The following SUSD4 variants were observed in gnomAD, a reference collection of about 807,000 sequenced individuals.
The protein encoded by SUSD4 is sushi domain-containing protein 4.
Under a neutral mutation model 50.5 loss-of-function variants are expected in SUSD4, and 41 were observed. That is an observed-to-expected ratio of 0.81 (90% CI 0.63 to 1.05). The LOEUF is 1.05. SUSD4 is among the 50% of genes least tolerant of loss of function. The pLI, the probability that SUSD4 is intolerant of heterozygous loss-of-function variation, is 0.00. For missense variants in SUSD4, 580 were observed against 634.7 expected (o/e 0.91, Z 0.93); for synonymous variants, 257 against 257.3 (o/e 1.00, Z 0.01).
intron 2 of SUSD4, among the ~76,000 whole-genome samples, chr1:223,337,986 G>C (rs1390025582): frequency 2.0e-5 from 3 of 152,308 alleles, no homozygotes; most frequent in Middle Eastern, 3.4e-3. Context: ...GGGAATAATT[G>C]AGCTATTTTT....
intron 5 of SUSD4, among the ~76,000 whole-genome samples, chr1:223,235,849 C>T (rs1292812607): frequency 6.6e-6 from 1 of 152,114 alleles, no homozygotes; most frequent in African/African-American, 2.4e-5. Flanking sequence ...TTGGTGTGGA[C>T]ATAAGTTTTC....
Position 223,229,259 on chromosome 1 carries a change from T to C in SUSD4, c.854A>G (p.Lys285Arg). ...CTCTCCATACTGGCAGGTGATGTACTTGTAGTCGCTGGTGAGGCTGTAGCC... is the reference window on the plus strand; with the variant it reads ...CTCTCCATACTGGCAGGTGATGTACCTGTAGTCGCTGGTGAGGCTGTAGCC... ...DPGYSLTSDY[K>R]YITCQYGEWF... The change falls in exon 6 of 9, where the codon AAG becomes AGG. Residue 285 changes from lysine (K) to arginine (R), a missense_variant. By Grantham distance (26) the Lys-to-Arg change is conservative (BLOSUM62 2). Transcript: ENST00000366878. This position sits in a 1 kb window ranked among gnomAD's most constrained non-coding sequence, Gnocchi z 4.7. 2 of 1,613,076 alleles carry C rather than the reference T, an allele frequency of 1.2e-6. No individual in the cohort carries two copies. Among genetic ancestry groups the C allele is most frequent in the East Asian group, 2.2e-5 (1 of 44,800 alleles).
At chr1:223,362,618 T>C (rs1227988682) in intron 2 of SUSD4, among the ~76,000 whole-genome samples, 2 of 152,174 alleles carry the variant, frequency 1.3e-5, no homozygotes, top group South Asian at 2.1e-4. Context: ...TTCTACTTCA[T>C]AGAAGAGCAA....
At chr1:223,290,760 C>T (rs77187089) in intron 3 of SUSD4, among the ~76,000 whole-genome samples, 3 of 151,884 alleles carry the variant, frequency 2.0e-5, no homozygotes, top group South Asian at 2.1e-4. Context: ...TTCTCACCCC[C>T]TTTCTTGCCA....
At chr1:223,344,061 C>G (rs2103307898) in intron 2 of SUSD4, among the ~76,000 whole-genome samples, 1 of 152,288 alleles carries the variant, frequency 6.6e-6, no homozygotes, top group South Asian at 2.1e-4. Flanking sequence ...TAGCTAGATT[C>G]CCAAAAACAG....
At chr1:223,310,361 C>T (rs1665799996) in intron 2 of SUSD4, among the ~76,000 whole-genome samples, 2 of 152,194 alleles carry the variant, frequency 1.3e-5, no homozygotes, top group South Asian at 4.1e-4. Context: ...CATGGTCAGA[C>T]TTTCTCAGGA....
intron 2 of SUSD4, among the ~76,000 whole-genome samples, chr1:223,344,801 G>A (rs1572104926): frequency 1.3e-5 from 2 of 152,274 alleles, no homozygotes; most frequent in South Asian, 2.1e-4. Flanking sequence ...TACACGTGGA[G>A]GGTAGGCAGA....
At chr1:223,277,469 A>G (rs1663363667) in intron 3 of SUSD4, among the ~76,000 whole-genome samples, 1 of 152,068 alleles carries the variant, frequency 6.6e-6, no homozygotes, top group Non-Finnish European at 1.5e-5. Context: ...GCACAGGTGG[A>G]AGGGATCCCT....
intron 3 of SUSD4, among the ~76,000 whole-genome samples, chr1:223,272,460 C>T (rs550792994): frequency 2.0e-5 from 3 of 152,256 alleles, no homozygotes; most frequent in African/African-American, 7.2e-5. Flanking sequence ...TACCCAAGTA[C>T]AAATTAATTT....
chr1:223,272,767 C>A (rs1663003847), intron 3 of SUSD4, among the ~76,000 whole-genome samples: 1 of 152,174 alleles, frequency 6.6e-6, no homozygotes, highest in Admixed American at 6.5e-5. Context: ...TTTAAACCAG[C>A]ATTTGTCAAG....
intron 2 of SUSD4, among the ~76,000 whole-genome samples, chr1:223,347,194 G>A (rs148883598): frequency 3.0e-4 from 45 of 152,166 alleles, no homozygotes; most frequent in African/African-American, 9.9e-4. Flanking sequence ...TATCCTTTGT[G>A]TTATAAACAA....
In SUSD4 at chr1:223,252,236, A is replaced by ATATATATAT. The variant is rs1553285715; in HGVS notation, c.724+12393_724+12394insATATATATA. On this transcript the variant is annotated intron_variant, in intron 5 of 8. Coordinates refer to ENST00000366878, the MANE Select transcript of SUSD4 (RefSeq NM_017982.4). Reference sequence around the variant, plus strand: ...AGTATAATTAAAAAAAAAAAAAAAAAATATATATATATATATATAAAAGAA... The same window carrying ATATATATAT: ...AGTATAATTAAAAAAAAAAAAAAAAATATATATATATATATATATATATATATAAAAGAA... 7.5e-4 allele frequency among the ~76,000 whole-genome samples: 67 copies of ATATATATAT among 89,680 alleles called. 2 individuals are homozygous for ATATATATAT. The highest frequency in any genetic ancestry group is 4.7e-3 in the East Asian group (17 of 3,626). 58.8% of individuals were successfully genotyped at this position (89,680 alleles called of 152,430 possible).
At chr1:223,364,369 T>C (rs1284110562), upstream of SUSD4, among the ~76,000 whole-genome samples, 2 of 14,284 alleles carry the variant, frequency 1.4e-4, no homozygotes, top group African/African-American at 5.1e-4. This position sits in a 1 kb window ranked among gnomAD's most constrained non-coding sequence, Gnocchi z 4.5. Context: ...ACGGGGTGAG[T>C]GGGGGGGCGG....
chr1:223,362,318 T>A (rs112102226), intron 2 of SUSD4, among the ~76,000 whole-genome samples: 1 of 152,218 alleles, frequency 6.6e-6, no homozygotes, highest in South Asian at 2.1e-4. Context: ...AAATGGTTTA[T>A]TTACATCAGT....
intron 3 of SUSD4, among the ~76,000 whole-genome samples, chr1:223,287,153 G>A (rs976056660): frequency 1.4e-4 from 21 of 152,204 alleles, no homozygotes; most frequent in African/African-American, 4.8e-4. Context: ...TCGGTTCACT[G>A]CAACCTCTGC....
rs200024916 is a variant in SUSD4, at chr1:223,225,812, C to CA, written c.1061+1781dup. 1.2e-3 allele frequency among the ~76,000 whole-genome samples: 189 copies of CA among 152,256 alleles called. 5 individuals are homozygous for CA. The East Asian group carries it at 0.031, about 25-fold the overall frequency. ...CAGCTTCCCCTCCACGTGTCCCCGC[C>CA]ATGCCACTCAGCTCCCATACACCCC... On this transcript the variant is annotated intron_variant, in intron 7 of 8. Coordinates refer to ENST00000366878, the MANE Select transcript of SUSD4 (RefSeq NM_017982.4).
intron 5 of SUSD4, among the ~76,000 whole-genome samples, chr1:223,248,064 A>T (rs547361930): frequency 3.9e-5 from 6 of 152,298 alleles, no homozygotes; most frequent in African/African-American, 1.4e-4. Context: ...ACTCAATCAG[A>T]AACTTTATTT....
At chr1:223,319,749 TTA>T (rs1343294107) in intron 2 of SUSD4, among the ~76,000 whole-genome samples, 1 of 152,212 alleles carries the variant, frequency 6.6e-6, no homozygotes, top group African/African-American at 2.4e-5. Context: ...CACGGTTTCT[TTA>T]TGTTTGTCAA....
In SUSD4 at chr1:223,221,055, C is replaced by A. The variant is rs1264204073; in HGVS notation, c.*1137G>T. ...TTTTAATCAATCAGTTTCTTAGGAACAACACCCAGTGGGCATGATGAGACC... is the reference window on the plus strand; with the variant it reads ...TTTTAATCAATCAGTTTCTTAGGAAAAACACCCAGTGGGCATGATGAGACC... On this transcript the variant is annotated 3_prime_UTR_variant, in exon 9 of 9. Coordinates refer to ENST00000366878, the MANE Select transcript of SUSD4 (RefSeq NM_017982.4). The A allele has an allele frequency of 5.0e-6, 2 of 400,694 alleles. No homozygotes were observed. Among genetic ancestry groups the A allele is most frequent in the African/African-American group, 2.1e-5 (1 of 48,696 alleles). The allele number at this position is 400,694 out of a possible 1,614,324, so 24.8% of individuals were successfully genotyped here.
Sources: allele counts gnomAD v4.1 joint callset (sites outside exome capture counted in the v4.1 genomes callset), GRCh38; gene constraint gnomAD v4.1.1; non-coding constraint Gnocchi (gnomAD v3.1); transcripts MANE v1.5; gene names NCBI Gene and HGNC (gene_info 2026-07-23, HGNC 2026-07-21).